RIPOR3: variants seen among roughly 807,000 people sequenced by gnomAD.
RIPOR3 encodes the protein RIPOR family member 3, also known as family with sequence similarity 65 member C.
In RIPOR3, 95 loss-of-function variants were observed where a neutral mutation model predicts 114.3. That is an observed-to-expected ratio of 0.83 (90% CI 0.70 to 0.99). The LOEUF is 0.99. Among genes scored for constraint, RIPOR3 ranks in the 50% least tolerant of loss-of-function variants. RIPOR3 has a pLI of 0.00. For missense variants in RIPOR3, 1,252 were observed against 1,266.9 expected (o/e 0.99, Z 0.18); for synonymous variants, 575 against 543.8 (o/e 1.06, Z -0.80).
chr20:50,592,360 C>T lies in RIPOR3; in HGVS notation c.2561G>A (p.Arg854Lys), dbSNP rs1433388162. The T allele has an allele frequency of 3.8e-6, 6 of 1,580,604 alleles. No individual in the cohort carries two copies. Among genetic ancestry groups the T allele is most frequent in the Non-Finnish European group, 5.2e-6 (6 of 1,159,250 alleles). Residue 854 changes from arginine to lysine, a missense_variant, in exon 19 of 22, where the codon AGA (arginine) becomes AAA (lysine). Physicochemically the swap from Arg to Lys is conservative, Grantham distance 26. Transcript: ENST00000327979. ...SARLAGAVRN[R>K]SFREKALLFY... Reference sequence around the variant, plus strand: ...ACAACGTACCTTTTCCCGGAAGCTTCTGTTCCTGACTGCACCAGCCAGGCG... The same window carrying T: ...ACAACGTACCTTTTCCCGGAAGCTTTTGTTCCTGACTGCACCAGCCAGGCG...
intron 1 of RIPOR3, among the ~76,000 whole-genome samples, chr20:50,662,547 G>A (rs1439516153): frequency 6.6e-6 from 1 of 152,158 alleles, no homozygotes; most frequent in Non-Finnish European, 1.5e-5. Context: ...GAGACACAGC[G>A]CCCTAAGCTA....
In RIPOR3 at chr20:50,602,692, C is replaced by A; in HGVS notation, c.1087-48G>T. On this transcript the variant is annotated intron_variant, in intron 12 of 21. Coordinates refer to ENST00000327979, the MANE Select transcript of RIPOR3 (RefSeq NM_001290268.2). The surrounding 1 kb of genome is among the most constrained non-coding windows in gnomAD (Gnocchi z 4.3). ...GCCTCACCAGCCACCCCAGGGACCA[C>A]AGCAAGTCCCCCAGAGGGGCTTCCC... 7.3e-7 allele frequency: 1 copy of A among 1,374,334 alleles called. No homozygotes were observed. Among genetic ancestry groups the A allele is most frequent in the Non-Finnish European group, 9.5e-7 (1 of 1,047,824 alleles). 85.1% of individuals were successfully genotyped at this position (1,374,334 alleles called of 1,614,324 possible).
At chr20:50,662,921 C>T (rs983598268) in intron 1 of RIPOR3, among the ~76,000 whole-genome samples, 1 of 152,066 alleles carries the variant, frequency 6.6e-6, no homozygotes, top group Non-Finnish European at 1.5e-5. Context: ...ATGGTGAAAC[C>T]TCATCTCTAC....
chr20:50,639,761 G>A (rs112753275), intron 1 of RIPOR3, among the ~76,000 whole-genome samples: 19,757 of 152,040 alleles, frequency 0.13, 1,858 homozygotes, highest in African/African-American at 0.27. Context: ...GTGTGTGTAC[G>A]CCTGACCTAG....
At chr20:50,690,804 A>G (rs943865982) in intron 1 of RIPOR3, among the ~76,000 whole-genome samples, 9 of 152,180 alleles carry the variant, frequency 5.9e-5, no homozygotes, top group African/African-American at 2.2e-4. Flanking sequence ...GACGCTTCAA[A>G]AATGCCTACA....
chr20:50,669,861 G>GA (rs375482622), intron 1 of RIPOR3, among the ~76,000 whole-genome samples: 119 of 135,750 alleles, frequency 8.8e-4, no homozygotes, highest in South Asian at 9.4e-4. Flanking sequence ...AGGGGGCTCT[G>GA]AAAAAAAAAA....
intron 1 of RIPOR3, among the ~76,000 whole-genome samples, chr20:50,657,748 CTTTTTTT>C (rs1272938455): frequency 1.3e-4 from 14 of 109,094 alleles, no homozygotes; most frequent in Non-Finnish European, 7.5e-5. Context: ...ATGTCTTTTA[CTTTTTTT>C]TTTTTTTTTT....
At chr20:50,689,934 C>G (rs73123441) in intron 1 of RIPOR3, among the ~76,000 whole-genome samples, 1 of 152,120 alleles carries the variant, frequency 6.6e-6, no homozygotes, top group Non-Finnish European at 1.5e-5. Flanking sequence ...CACTCTGGCC[C>G]GATGCCTGGA....
chr20:50,663,212 C>T (rs547312135), intron 1 of RIPOR3, among the ~76,000 whole-genome samples: 1 of 152,138 alleles, frequency 6.6e-6, no homozygotes, highest in East Asian at 1.9e-4. Context: ...TCCAAGGCCA[C>T]ATTTTCTCCA....
At chr20:50,631,894 TC>T (rs761375045) in intron 1 of RIPOR3, among the ~76,000 whole-genome samples, 10 of 152,164 alleles carry the variant, frequency 6.6e-5, no homozygotes, top group Non-Finnish European at 1.2e-4. Flanking sequence ...CATACTTTGC[TC>T]CTTTGCCAGG....
rs113201126 is a variant in RIPOR3, at chr20:50,687,771, C to T, written c.3+3355G>A. ...ATAAAAAACTAGCCAGGCATGGTAG[C>T]GGGTGCCTGTAATCCTAGCTATTTG... On this transcript the variant is annotated intron_variant, in intron 1 of 21. Coordinates refer to ENST00000327979, the MANE Select transcript of RIPOR3 (RefSeq NM_001290268.2). 2.7e-3 allele frequency among the ~76,000 whole-genome samples: 406 copies of T among 152,052 alleles called. 2 individuals carry two copies. Among genetic ancestry groups the T allele is most frequent in the African/African-American group, 9.3e-3 (385 of 41,470 alleles).
chr20:50,616,717 G>A (rs1302421972), intron 3 of RIPOR3, among the ~76,000 whole-genome samples: 1 of 152,194 alleles, frequency 6.6e-6, no homozygotes, highest in African/African-American at 2.4e-5. Flanking sequence ...TCACACAGCA[G>A]AGAAGAGGCT....
intron 1 of RIPOR3, among the ~76,000 whole-genome samples, chr20:50,666,100 G>A (rs1483279367): frequency 6.6e-6 from 1 of 151,122 alleles, no homozygotes; most frequent in African/African-American, 2.4e-5. Context: ...TTATTAACAT[G>A]ACAGTGAACA....
chr20:50,599,274 C>A (rs1388302335), intron 13 of RIPOR3, among the ~76,000 whole-genome samples: 1 of 152,002 alleles, frequency 6.6e-6, no homozygotes, highest in Non-Finnish European at 1.5e-5. Context: ...TGCCTGTAAC[C>A]CCAGGTACTA....
chr20:50,625,376 T>C (rs188320751), intron 2 of RIPOR3, among the ~76,000 whole-genome samples: 1 of 152,304 alleles, frequency 6.6e-6, no homozygotes, highest in East Asian at 1.9e-4. Context: ...CCGCCTGGCC[T>C]GCTCTTGGTG....
chr20:50,672,946 T>C (rs1267520953), intron 1 of RIPOR3, among the ~76,000 whole-genome samples: 2 of 152,024 alleles, frequency 1.3e-5, no homozygotes, highest in Non-Finnish European at 2.9e-5. Flanking sequence ...CTGTAGCGCA[T>C]GGAGATTTGG....
At chr20:50,614,460 G>A (rs2084089734) in intron 4 of RIPOR3, among the ~76,000 whole-genome samples, 1 of 152,214 alleles carries the variant, frequency 6.6e-6, no homozygotes, top group Non-Finnish European at 1.5e-5. Context: ...CACTGGCTGG[G>A]AGGAGAATCC....
chr20:50,603,473 A>C (rs1358535701), intron 12 of RIPOR3, among the ~76,000 whole-genome samples: 1 of 152,164 alleles, frequency 6.6e-6, no homozygotes, highest in Non-Finnish European at 1.5e-5. Flanking sequence ...TCCTGACCTC[A>C]GGTGATCCAC....
rs1464518183 is a variant in RIPOR3, at chr20:50,609,941, CCTGCCTCACCTGCCACCA to C, written c.427-237_427-220del. On this transcript the variant is annotated intron_variant, in intron 6 of 21. Coordinates refer to ENST00000327979, the MANE Select transcript of RIPOR3 (RefSeq NM_001290268.2). ...ATAGGCAGGGACCACATCTGCCTCA[CCTGCCTCACCTGCCACCA>C]CTGCCTCACCTGCCACCCCTACCAC... is the stretch of plus-strand genomic sequence containing the variant. 2.4e-3 allele frequency among the ~76,000 whole-genome samples: 359 copies of C among 148,950 alleles called. 7 individuals carry two copies. Among genetic ancestry groups the C allele is most frequent in the African/African-American group, 4.4e-3 (177 of 39,816 alleles).
Sources: allele counts gnomAD v4.1 joint callset (sites outside exome capture counted in the v4.1 genomes callset), GRCh38; gene constraint gnomAD v4.1.1; non-coding constraint Gnocchi (gnomAD v3.1); transcripts MANE v1.5; gene names NCBI Gene and HGNC (gene_info 2026-07-23, HGNC 2026-07-21).